The following IL6R variants were observed in gnomAD, a reference collection of about 807,000 sequenced individuals.
IL6R encodes interleukin-6 receptor subunit alpha.
A neutral mutation model predicts 48.3 loss-of-function variants in IL6R; 38 were observed. That is an observed-to-expected ratio of 0.79 (90% CI 0.61 to 1.03). The LOEUF (loss-of-function observed/expected upper bound fraction) is 1.03, where lower values mean the gene tolerates loss of function less well. IL6R is among the 50% of genes least tolerant of loss of function. IL6R has a pLI of 0.00. For missense variants in IL6R, 534 were observed against 618.3 expected (o/e 0.86, Z 1.45); for synonymous variants, 264 against 256.2 (o/e 1.03, Z -0.29).
At chr1:154,437,007 G>A (rs1034026920) in intron 6 of IL6R, among the ~76,000 whole-genome samples, 92 of 152,220 alleles carry the variant, frequency 6.0e-4, no homozygotes, top group African/African-American at 2.0e-3. Flanking sequence ...TCCCCATGTT[G>A]TCAATTACTT....
rs2149283684 is a variant in IL6R, at chr1:154,468,592, C to CT, written c.*3213dup. On this transcript the variant is annotated 3_prime_UTR_variant, in exon 10 of 10. Coordinates refer to ENST00000368485, the MANE Select transcript of IL6R (RefSeq NM_000565.4). ...GCCCTTACGCTTTCTTTATCAGGCT[C>CT]TGAGTTCACACGGAGCCTCTGGCAC... 6.6e-6 allele frequency: 1 copy of CT among 152,312 alleles called. No individual in the cohort carries two copies. The highest frequency in any genetic ancestry group is 1.9e-4 in the East Asian group (1 of 5,184). 9.4% of individuals were successfully genotyped at this position (152,312 alleles called of 1,614,324 possible).
rs993822439 is a variant in IL6R, at chr1:154,469,310, T to C, written c.*3930T>C. On this transcript the variant is annotated 3_prime_UTR_variant, in exon 10 of 10. Transcript: ENST00000368485. ...CAAGTTTTTGTTTGTTTGTTTTACC[T>C]AATTACCTGAAAGCAAATACCAAAG... The C allele has an allele frequency of 3.3e-5, 5 of 152,344 alleles. No homozygotes were observed. Among genetic ancestry groups the C allele is most frequent in the Middle Eastern group, 3.4e-3 (1 of 294 alleles). 9.4% of individuals were successfully genotyped at this position (152,344 alleles called of 1,614,324 possible).
chr1:154,449,080 A>G (rs1371807425), intron 7 of IL6R, among the ~76,000 whole-genome samples: 2 of 145,518 alleles, frequency 1.4e-5, no homozygotes, highest in Non-Finnish European at 3.0e-5. Flanking sequence ...TATTTTTAGT[A>G]GAGACGGGGT....
chr1:154,405,795 G>A lies in IL6R; in HGVS notation c.85+81G>A. 8 of 1,066,492 alleles carry A rather than the reference G, an allele frequency of 7.5e-6. No individual in the cohort carries two copies. Among genetic ancestry groups the A allele is most frequent in the Admixed American group, 3.6e-5 (1 of 27,594 alleles). The allele number at this position is 1,066,492 out of a possible 1,614,324, so 66.1% of individuals were successfully genotyped here. ...GCCTTGGTCACCGCAGTCTGTGGGAGGCTGGAGGGAGGAAAGGAGGTGCGA... is the reference window on the plus strand; with the variant it reads ...GCCTTGGTCACCGCAGTCTGTGGGAAGCTGGAGGGAGGAAAGGAGGTGCGA... On this transcript the variant is annotated intron_variant, in intron 1 of 9. Transcript: ENST00000368485. This position sits in a 1 kb window ranked among gnomAD's most constrained non-coding sequence, Gnocchi z 5.2.
chr1:154,408,554 C>T (rs573310124), intron 1 of IL6R, among the ~76,000 whole-genome samples: 44 of 152,266 alleles, frequency 2.9e-4, no homozygotes, highest in South Asian at 1.0e-3. Flanking sequence ...GTTCCTCTGA[C>T]TGAGGACCAA....
At chr1:154,430,658 C>A (rs201040268) in intron 3 of IL6R, 52 bp downstream of exon 3, 1 of 1,610,464 alleles carries the variant, frequency 6.2e-7, no homozygotes. Context: ...CTTCCCGAGG[C>A]CCCCCAGAGA....
At chr1:154,433,812 T>C (rs898308283) in intron 3 of IL6R, among the ~76,000 whole-genome samples, 2 of 151,390 alleles carry the variant, frequency 1.3e-5, no homozygotes, top group African/African-American at 4.9e-5. Context: ...GCCTCCTGGG[T>C]TCAAGTGATT....
In IL6R at chr1:154,429,219, A is replaced by G. The variant is rs994608378; in HGVS notation, c.109A>G (p.Ser37Gly). The G allele has an allele frequency of 5.0e-6, 8 of 1,613,204 alleles. No individual in the cohort carries two copies. The highest frequency in any genetic ancestry group is 5.9e-6 in the Non-Finnish European group (7 of 1,179,354). ...AGAGGTGGCGAGAGGCGTGCTGACC[A>G]GTCTGCCAGGAGACAGCGTGACTCT... is the stretch of plus-strand genomic sequence containing the variant. ...AQEVARGVLT[S>G]LPGDSVTLTC... The change falls in exon 2 of 10, where the codon AGT becomes GGT. Residue 37 changes from serine to glycine, a missense_variant. Physicochemically the swap from Ser to Gly is moderately conservative, Grantham distance 56 (BLOSUM62 0). Coordinates refer to ENST00000368485, the MANE Select transcript of IL6R (RefSeq NM_000565.4).
intron 1 of IL6R, among the ~76,000 whole-genome samples, chr1:154,424,487 T>TTGC (rs1688860589): frequency 6.6e-6 from 1 of 152,232 alleles, no homozygotes; most frequent in African/African-American, 2.4e-5. Context: ...GAGGAAGGGA[T>TTGC]ATTGCAAGCA....
intron 7 of IL6R, among the ~76,000 whole-genome samples, chr1:154,449,462 G>A (rs765089462): frequency 1.3e-5 from 2 of 152,114 alleles, no homozygotes; most frequent in South Asian, 2.1e-4. Context: ...GCAGTGAGCC[G>A]AGATCATGCC....
chr1:154,423,243 T>C (rs1007053855), intron 1 of IL6R, among the ~76,000 whole-genome samples: 13 of 85,782 alleles, frequency 1.5e-4, no homozygotes, highest in Non-Finnish European at 7.9e-5. Flanking sequence ...ACCCAGGCTA[T>C]GTAGCTTGTT....
intron 1 of IL6R, among the ~76,000 whole-genome samples, chr1:154,411,301 G>C (rs1454160555): frequency 6.6e-6 from 1 of 152,102 alleles, no homozygotes; most frequent in Non-Finnish European, 1.5e-5. Context: ...CAAGTGATCT[G>C]CCTGCCTCGG....
chr1:154,462,392 A>G (rs1351630336), intron 9 of IL6R, among the ~76,000 whole-genome samples: 2 of 96,432 alleles, frequency 2.1e-5, no homozygotes, highest in African/African-American at 7.6e-5. Context: ...TTTTTTTTTG[A>G]GACGGAGTTT....
At chr1:154,414,594 G>T in intron 1 of IL6R, 2 of 754,658 alleles carry the variant, frequency 2.7e-6, no homozygotes, top group South Asian at 2.9e-5. Context: ...CTTTCTTGAT[G>T]CACCCGGCCA....
chr1:154,450,029 T>C (rs377176989), intron 8 of IL6R, 49 bp downstream of exon 8: 2 of 1,190,920 alleles, frequency 1.7e-6, no homozygotes, highest in Non-Finnish European at 2.5e-6. Flanking sequence ...GACAGAAGAT[T>C]TGTCTCTGCA....
Position 154,435,303 on chromosome 1 carries a change from A to G in IL6R, c.807+147A>G, listed in dbSNP as rs1465026440. ...GGTGGGCGAATCACTTGAGGTCAGG[A>G]GTTCGAGACCATCCTGGCCAACATG... On this transcript the variant is annotated intron_variant, in intron 5 of 9. Transcript: ENST00000368485. The G allele has an allele frequency of 1.8e-5, 12 of 673,950 alleles. No homozygotes were observed. In the South Asian group the frequency reaches 2.0e-4, roughly 12 times the overall value. 41.7% of individuals were successfully genotyped at this position (673,950 alleles called of 1,614,324 possible).
intron 6 of IL6R, among the ~76,000 whole-genome samples, chr1:154,447,466 T>C (rs1224368934): frequency 0.067 from 6,551 of 97,246 alleles, 1,290 homozygotes; most frequent in African/African-American, 0.31. Flanking sequence ...TATATATATA[T>C]ATATATATAT....
In IL6R at chr1:154,465,160, C is replaced by G; in HGVS notation, c.1187C>G (p.Ala396Gly). The G allele has an allele frequency of 6.2e-7, 1 of 1,614,142 alleles. No homozygotes were observed. The highest frequency in any genetic ancestry group is 8.5e-7 in the Non-Finnish European group (1 of 1,180,028). The change falls in exon 10 of 10, where the codon GCT becomes GGT. Residue 396 changes from alanine (A) to glycine (G), a missense_variant. Physicochemically the swap from Ala to Gly is moderately conservative, Grantham distance 60. Transcript: ENST00000368485. ...TTCAAGAAGACGTGGAAGCTGCGGG[C>G]TCTGAAGGAAGGCAAGACAAGCATG... ...LRFKKTWKLR[A>G]LKEGKTSMHP...
At chr1:154,418,352 G>C in intron 1 of IL6R, 1 of 943,824 alleles carries the variant, frequency 1.1e-6, no homozygotes, top group African/African-American at 1.8e-5. Context: ...CCTGTTTATG[G>C]GTCCAAAGGA....
Sources: gnomAD v4.1 joint callset for allele counts (sites outside exome capture counted in the v4.1 genomes callset) on GRCh38, gnomAD v4.1.1 for gene constraint, Gnocchi (gnomAD v3.1) non-coding constraint, MANE v1.5 for transcripts, NCBI Gene and HGNC (gene_info 2026-07-23, HGNC 2026-07-21) for gene names.